Variants in ATP6V1B1 observed in about 807,000 individuals in gnomAD.
ATP6V1B1 encodes ATPase H+ transporting V1 subunit B1, also known as V-type proton ATPase subunit B, kidney isoform.
ATP6V1B1 carries 41 observed loss-of-function variants against 62.1 expected under a neutral mutation model. That is an observed-to-expected ratio of 0.66 (90% CI 0.51 to 0.86). The LOEUF is 0.86. Ranked by LOEUF, ATP6V1B1 falls within the 40% of genes least tolerant of loss-of-function variation. The pLI, the probability that ATP6V1B1 is intolerant of heterozygous loss-of-function variation, is 0.00. For synonymous variants in ATP6V1B1, 253 were observed against 273.4 expected, an observed-to-expected ratio of 0.93 and a Z score of 0.74; for missense variants, 651 against 697.5, an observed-to-expected ratio of 0.93 and a Z score of 0.75.
chr2:70,959,036 C>T lies in ATP6V1B1; in HGVS notation c.386C>T (p.Ser129Phe), dbSNP rs782199733. The T allele has an allele frequency of 5.0e-6, 8 of 1,614,124 alleles. No homozygotes were observed. Among genetic ancestry groups the T allele is most frequent in the Non-Finnish European group, 6.8e-6 (8 of 1,180,020 alleles). The change falls in exon 5 of 14, where the codon TCC (serine) becomes TTC (phenylalanine). Residue 129 changes from serine (S) to phenylalanine (F), a missense_variant. Physicochemically the swap from Ser to Phe is radical, Grantham distance 155. Coordinates refer to ENST00000234396, the MANE Select transcript of ATP6V1B1 (RefSeq NM_001692.4). The surrounding 1 kb of genome is among the most constrained non-coding windows in gnomAD (Gnocchi z 4.2). ...EDMLGRVFNG[S>F]GKPIDKGPVV... ...CCCTCAGGTCGGGTTTTCAATGGCT[C>T]CGGCAAGCCCATTGACAAGGGGCCA...
At position 70,963,414 on chromosome 2, in the gene ATP6V1B1, C is replaced by A; in HGVS notation, c.1060+102C>A. 1 of 1,577,778 alleles carries A rather than the reference C, an allele frequency of 6.3e-7. No homozygotes were observed. The highest frequency in any genetic ancestry group is 8.7e-7 in the Non-Finnish European group (1 of 1,149,444). On this transcript the variant is annotated intron_variant, in intron 10 of 13. Transcript: ENST00000234396. The surrounding 1 kb of genome is among the most constrained non-coding windows in gnomAD (Gnocchi z 4.3). ...GTTGCTTTGCACAGATGTGCAGCAG[C>A]GCTTTTCCTCCATCGAGATAGACAC...
rs55871344 is a variant in ATP6V1B1 at position 70,950,932 on chromosome 2, A to ATTTTTTTTTTTTT, written c.175-7099_175-7087dup. Reference sequence around the variant, plus strand: ...ACTGTGTGTGCATAATTTTTTCCTGATTTTTTTTTTTTTTTTTTTTTTTTT... The same window carrying ATTTTTTTTTTTTT: ...ACTGTGTGTGCATAATTTTTTCCTGATTTTTTTTTTTTTTTTTTTTTTTTTTTTTTTTTTTTTT... On this transcript the variant is annotated intron_variant, in intron 2 of 13. Transcript: ENST00000234396. 9.3e-5 allele frequency among the ~76,000 whole-genome samples: 6 copies of ATTTTTTTTTTTTT among 64,604 alleles called. 1 individual carries two copies. The highest frequency in any genetic ancestry group is 3.8e-4 in the African/African-American group (6 of 15,658). 42.4% of individuals were successfully genotyped at this position (64,604 alleles called of 152,430 possible).
intron 2 of ATP6V1B1, among the ~76,000 whole-genome samples, chr2:70,954,876 T>C (rs920471787): frequency 1.3e-5 from 2 of 152,118 alleles, no homozygotes; most frequent in African/African-American, 4.8e-5. Flanking sequence ...ATGCAATGCG[T>C]TTGCTCCAGG....
rs1680667138 is a variant in ATP6V1B1 at position 70,964,439 on chromosome 2, T to C, written c.1145T>C (p.Ile382Thr). ...CACTCCCTTTTTCTTCTCCCTCAGATCTACCCCCCCATCAACGTGCTCCCT... is the reference window on the plus strand; with the variant it reads ...CACTCCCTTTTTCTTCTCCCTCAGACCTACCCCCCCATCAACGTGCTCCCT... ...YVDRQLHNRQ[I>T]YPPINVLPSL... Residue 382 changes from isoleucine to threonine, a missense_variant and splice_region_variant, in exon 12 of 14, where the codon ATC becomes ACC. Transcript: ENST00000234396. The C allele has an allele frequency of 6.2e-7, 1 of 1,614,056 alleles. No homozygotes were observed. Among genetic ancestry groups the C allele is most frequent in the East Asian group, 2.2e-5 (1 of 44,850 alleles).
At chr2:70,960,109 G>A (rs1553419788) in intron 6 of ATP6V1B1, 31 bp downstream of exon 6, 5 of 1,613,392 alleles carry the variant, frequency 3.1e-6, no homozygotes, top group African/African-American at 1.3e-5. Flanking sequence ...AGGCATGGCT[G>A]GGGGAGGGAC....
chr2:70,944,830 A>G (rs561268384), intron 2 of ATP6V1B1, among the ~76,000 whole-genome samples: 1 of 151,964 alleles, frequency 6.6e-6, no homozygotes, highest in Non-Finnish European at 1.5e-5. Flanking sequence ...TACCACGCCC[A>G]GCTGATTATT....
intron 2 of ATP6V1B1, among the ~76,000 whole-genome samples, chr2:70,945,699 G>GATACAT (rs1450719874): frequency 1.4e-5 from 1 of 70,100 alleles, no homozygotes; most frequent in Non-Finnish European, 2.8e-5. Context: ...GCTATTTGAA[G>GATACAT]AGATATATAT....
chr2:70,938,233 C>T (rs13022751), intron 1 of ATP6V1B1, among the ~76,000 whole-genome samples: 3,980 of 152,258 alleles, frequency 0.026, 64 homozygotes, highest in Non-Finnish European at 0.039. Context: ...CTCACTTCCT[C>T]CTCAGGCTCT....
At chr2:70,941,624 A>T in intron 1 of ATP6V1B1, 1 of 832,446 alleles carries the variant, frequency 1.2e-6, no homozygotes, top group Non-Finnish European at 1.4e-6. Context: ...TTTAGCCTGT[A>T]GGCACTTCAC....
chr2:70,941,367 C>T, intron 1 of ATP6V1B1: 1 of 985,686 alleles, frequency 1.0e-6, no homozygotes, highest in Non-Finnish European at 1.2e-6. Context: ...CACTGCCCCT[C>T]TTTCTGTTCC....
intron 2 of ATP6V1B1, among the ~76,000 whole-genome samples, chr2:70,951,552 C>A (rs1270722842): frequency 1.3e-5 from 2 of 152,098 alleles, no homozygotes; most frequent in Non-Finnish European, 2.9e-5. Flanking sequence ...TCTTTGACTT[C>A]CCACAGCCTT....
At position 70,959,630 on chromosome 2, in the gene ATP6V1B1, C is replaced by T. The variant is rs1680533398; in HGVS notation, c.446-309C>T. Among the ~76,000 whole-genome samples, 1 of 152,254 alleles carries T rather than the reference C, an allele frequency of 6.6e-6. No homozygotes were observed. Among genetic ancestry groups the T allele is most frequent in the African/African-American group, 2.4e-5 (1 of 41,464 alleles). Reference sequence around the variant, plus strand: ...TCTGCCCTCTTGGGCCCTGAAGCCTCAGCCTGAGTTTCCACCTGCCTGCCA... The same window carrying T: ...TCTGCCCTCTTGGGCCCTGAAGCCTTAGCCTGAGTTTCCACCTGCCTGCCA... On this transcript the variant is annotated intron_variant, in intron 5 of 13. Transcript: ENST00000234396. This position sits in a 1 kb window ranked among gnomAD's most constrained non-coding sequence, Gnocchi z 4.2.
At chr2:70,941,278 T>G in intron 1 of ATP6V1B1, 3 of 985,056 alleles carry the variant, frequency 3.0e-6, no homozygotes, top group Non-Finnish European at 3.6e-6. Flanking sequence ...GACACAACGA[T>G]GAGCACCACA....
chr2:70,960,159 C>T (rs1680552286), intron 6 of ATP6V1B1, 81 bp downstream of exon 6: 2 of 1,587,288 alleles, frequency 1.3e-6, no homozygotes, highest in Admixed American at 1.7e-5. Context: ...GAGGACAGCT[C>T]CTGTGCCAAG....
At chr2:70,939,378 AGCCCTCT>A (rs1290109737) in intron 1 of ATP6V1B1, 1 of 152,420 alleles carries the variant, frequency 6.6e-6, no homozygotes, top group Non-Finnish European at 1.5e-5. Flanking sequence ...CTTCTGATCC[AGCCCTCT>A]GCCTGTGGCA....
At position 70,963,066 on chromosome 2, in the gene ATP6V1B1, A is replaced by G. The variant is rs1572922885; in HGVS notation, c.910-96A>G. Reference sequence around the variant, plus strand: ...CCTGGCCATTCCTCCCCTGCCCCCCACTCCATTTCTCACAGGGTCACTGAA... The same window carrying G: ...CCTGGCCATTCCTCCCCTGCCCCCCGCTCCATTTCTCACAGGGTCACTGAA... On this transcript the variant is annotated intron_variant, in intron 9 of 13. Coordinates refer to ENST00000234396, the MANE Select transcript of ATP6V1B1 (RefSeq NM_001692.4). The surrounding 1 kb of genome is among the most constrained non-coding windows in gnomAD (Gnocchi z 4.3). The G allele has an allele frequency of 1.3e-6, 2 of 1,598,704 alleles. No individual in the cohort carries two copies. Among genetic ancestry groups the G allele is most frequent in the Non-Finnish European group, 1.7e-6 (2 of 1,171,078 alleles).
Position 70,963,567 on chromosome 2 carries a change from T to C in ATP6V1B1, c.1061-5T>C. The C allele has an allele frequency of 6.2e-7, 1 of 1,613,988 alleles. No homozygotes were observed. Among genetic ancestry groups the C allele is most frequent in the Non-Finnish European group, 8.5e-7 (1 of 1,179,900 alleles). On this transcript the variant is annotated splice_region_variant and splice_polypyrimidine_tract_variant and intron_variant, in intron 10 of 13. Coordinates refer to ENST00000234396, the MANE Select transcript of ATP6V1B1 (RefSeq NM_001692.4). The surrounding 1 kb of genome is among the most constrained non-coding windows in gnomAD (Gnocchi z 4.3). ...CCACACTGAGGCCAGTGAGTTTTCT[T>C]GTAGATATCACCCACCCTATCCCAG...
intron 6 of ATP6V1B1, 108 bp downstream of exon 6, chr2:70,960,186 G>T (rs1680552739): frequency 2.6e-6 from 4 of 1,523,408 alleles, no homozygotes; most frequent in Admixed American, 1.8e-5. Flanking sequence ...GGGGCTGGCA[G>T]GGCTGGGGTC....
At chr2:70,944,301 C>A in intron 2 of ATP6V1B1, 1 of 1,102,968 alleles carries the variant, frequency 9.1e-7, no homozygotes, top group South Asian at 1.4e-5. Flanking sequence ...AACTGGCAGA[C>A]ACTGACAGTA....
Sources: gnomAD v4.1 joint callset for allele counts (sites outside exome capture counted in the v4.1 genomes callset) on GRCh38, gnomAD v4.1.1 for gene constraint, Gnocchi (gnomAD v3.1) non-coding constraint, MANE v1.5 for transcripts, NCBI Gene and HGNC (gene_info 2026-07-23, HGNC 2026-07-21) for gene names.